Variants in SRRM3 observed in about 807,000 individuals in gnomAD.
SRRM3 encodes the protein serine/arginine repetitive matrix 3.
A neutral mutation model predicts 66.2 loss-of-function variants in SRRM3; 27 were observed. The observed-to-expected ratio is 0.41, with a 90% confidence interval of 0.30 to 0.56. The LOEUF (loss-of-function observed/expected upper bound fraction) is 0.56, where lower values mean the gene tolerates loss of function less well. Ranked by LOEUF, SRRM3 falls within the 20% of genes least tolerant of loss-of-function variation. SRRM3 has a pLI of 0.32. For missense variants in SRRM3, 918 were observed against 991.9 expected (o/e 0.93, Z 1.00); for synonymous variants, 391 against 414.9 (o/e 0.94, Z 0.70).
intron 10 of SRRM3, among the ~76,000 whole-genome samples, chr7:76,265,783 ATTTATATATTTAATATTTATATAT>A (rs1326799546): frequency 8.1e-6 from 1 of 124,158 alleles, no homozygotes; most frequent in Non-Finnish European, 1.6e-5. Flanking sequence ...ATTTATATAT[ATTTATATATTTAATATTTATATAT>A]TTTATATATT....
At position 76,282,633 on chromosome 7, in the gene SRRM3, G is replaced by A; in HGVS notation, c.1371-15G>A. ...GGGTCGCTGAGCCCTATCCCGCGCC[G>A]TCTCCCTCCTCCAGGGCCAAGGAGC... On this transcript the variant is annotated splice_polypyrimidine_tract_variant and intron_variant, in intron 12 of 14. Transcript: ENST00000611745. The A allele has an allele frequency of 7.0e-6, 8 of 1,145,230 alleles. No homozygotes were observed. Among genetic ancestry groups the A allele is most frequent in the Middle Eastern group, 3.8e-4 (1 of 2,634 alleles). The allele number at this position is 1,145,230 out of a possible 1,614,324, so 70.9% of individuals were successfully genotyped here.
At chr7:76,265,853 TATATA>T (rs1411038648) in intron 10 of SRRM3, among the ~76,000 whole-genome samples, 280 of 11,902 alleles carry the variant, frequency 0.024, 21 homozygotes, top group South Asian at 0.031. Context: ...TATATATATA[TATATA>T]TTTTTTTTTT....
intron 11 of SRRM3, among the ~76,000 whole-genome samples, chr7:76,275,752 A>G (rs1340419744): frequency 6.6e-6 from 1 of 152,016 alleles, no homozygotes; most frequent in African/African-American, 2.4e-5. Context: ...ACTCCCTTCC[A>G]CCATCTTTTC....
intron 1 of SRRM3, among the ~76,000 whole-genome samples, chr7:76,225,674 A>G (rs1554603674): frequency 6.6e-6 from 1 of 152,156 alleles, no homozygotes; most frequent in Non-Finnish European, 1.5e-5. Flanking sequence ...TGAGGCCAAG[A>G]GTTTGAGACC....
intron 1 of SRRM3, among the ~76,000 whole-genome samples, chr7:76,223,421 C>T (rs1554603424): frequency 6.6e-6 from 1 of 152,218 alleles, no homozygotes; most frequent in Non-Finnish European, 1.5e-5. Flanking sequence ...ATGGCTGCAC[C>T]TGGCTTCAAT....
chr7:76,212,194 A>G (rs1800450401), intron 1 of SRRM3, among the ~76,000 whole-genome samples: 1 of 129,674 alleles, frequency 7.7e-6, no homozygotes, highest in South Asian at 2.5e-4. Flanking sequence ...AGGGTCTCAA[A>G]CTGTTACTCG....
chr7:76,220,738 C>T (rs1554603085), intron 1 of SRRM3, among the ~76,000 whole-genome samples: 1 of 152,254 alleles, frequency 6.6e-6, no homozygotes, highest in African/African-American at 2.4e-5. Context: ...CGCACCCTTG[C>T]AAGCCAGGCT....
chr7:76,249,834 C>A (rs1247561315), intron 3 of SRRM3, among the ~76,000 whole-genome samples: 1 of 151,904 alleles, frequency 6.6e-6, no homozygotes, highest in East Asian at 1.9e-4. Context: ...ATCACTTGAA[C>A]CCGCCTCAGA....
chr7:76,273,927 C>G (rs782083231), intron 11 of SRRM3, among the ~76,000 whole-genome samples: 1 of 152,186 alleles, frequency 6.6e-6, no homozygotes, highest in African/African-American at 2.4e-5. Context: ...TCCTCCTTCA[C>G]GCCTTCTTTC....
At chr7:76,213,856 A>G (rs1186330220) in intron 1 of SRRM3, among the ~76,000 whole-genome samples, 1 of 151,992 alleles carries the variant, frequency 6.6e-6, no homozygotes, top group Non-Finnish European at 1.5e-5. Context: ...TGCAGCCTCG[A>G]ACTCCCAGGC....
Position 76,235,138 on chromosome 7 carries a change from G to T in SRRM3, c.72G>T (p.Gln24His). 1.3e-6 allele frequency: 2 copies of T among 1,569,270 alleles called. No individual in the cohort carries two copies. The highest frequency in any genetic ancestry group is 1.4e-5 in the African/African-American group (1 of 73,936). The change falls in exon 2 of 15, where the codon CAG (glutamine) becomes CAT (histidine). Residue 24 changes from glutamine to histidine, a missense_variant. Coordinates refer to ENST00000611745, the MANE Select transcript of SRRM3 (RefSeq NM_001110199.3). ...STPDAANGFPQPSSSSGTWPR... is the reference protein window; with the variant it reads ...STPDAANGFPHPSSSSGTWPR... ...CCGACGCCGCGAACGGCTTCCCGCA[G>T]CCCAGCTCCTCCTCGGGGACCTGGC...
At chr7:76,262,560 G>A (rs1258790066) in intron 8 of SRRM3, among the ~76,000 whole-genome samples, 5 of 149,732 alleles carry the variant, frequency 3.3e-5, no homozygotes, top group African/African-American at 1.2e-4. Flanking sequence ...GGTGGCTCAT[G>A]CCTGTAATCC....
chr7:76,284,538 G>A (rs1802610147), intron 14 of SRRM3, among the ~76,000 whole-genome samples: 1 of 152,054 alleles, frequency 6.6e-6, no homozygotes, highest in Non-Finnish European at 1.5e-5. Context: ...CGTGCCCAAG[G>A]AACAAAGAGC....
chr7:76,263,370 A>C (rs1201980621), intron 8 of SRRM3, among the ~76,000 whole-genome samples: 1 of 152,172 alleles, frequency 6.6e-6, no homozygotes, highest in Non-Finnish European at 1.5e-5. Flanking sequence ...ATCTGGTGGC[A>C]CCAGGGAGGA....
intron 2 of SRRM3, among the ~76,000 whole-genome samples, chr7:76,236,286 G>A (rs1367601809): frequency 1.4e-5 from 2 of 145,652 alleles, no homozygotes; most frequent in African/African-American, 5.1e-5. Context: ...TCCAGCCTGG[G>A]CAACAAGAGC....
intron 1 of SRRM3, among the ~76,000 whole-genome samples, chr7:76,229,350 G>A (rs979553567): frequency 7.9e-5 from 12 of 152,052 alleles, no homozygotes; most frequent in Non-Finnish European, 1.3e-4. Context: ...AATTTAACTG[G>A]GTATCCTGTG....
intron 2 of SRRM3, among the ~76,000 whole-genome samples, chr7:76,243,686 G>A (rs1415617726): frequency 1.3e-5 from 2 of 152,140 alleles, no homozygotes; most frequent in Admixed American, 1.3e-4. Flanking sequence ...ACAAGCAGCT[G>A]GGGAATGGCC....
chr7:76,235,396 G>T (rs1439151862), intron 2 of SRRM3, 97 bp downstream of exon 2: 9 of 1,152,336 alleles, frequency 7.8e-6, no homozygotes. Context: ...GAACGTCGTG[G>T]GCGGGGAGAA....
chr7:76,241,346 AACAG>A (rs1801290727), intron 2 of SRRM3, among the ~76,000 whole-genome samples: 1 of 152,178 alleles, frequency 6.6e-6, no homozygotes, highest in Non-Finnish European at 1.5e-5. Context: ...CTCCTGGCAG[AACAG>A]ACAGAGAAGA....
Sources: allele counts gnomAD v4.1 joint callset (sites outside exome capture counted in the v4.1 genomes callset), GRCh38; gene constraint gnomAD v4.1.1; transcripts MANE v1.5; gene names NCBI Gene and HGNC (gene_info 2026-07-23, HGNC 2026-07-21).